CNTNAP2: variants seen among roughly 807,000 people sequenced by gnomAD.
CNTNAP2 encodes the protein contactin associated protein 2, also known as contactin-associated protein-like 2.
A neutral mutation model predicts 155.2 loss-of-function variants in CNTNAP2; 98 were observed. That is an observed-to-expected ratio of 0.63 (90% CI 0.54 to 0.75). CNTNAP2 has a LOEUF of 0.75. Among genes scored for constraint, CNTNAP2 ranks in the 30% least tolerant of loss-of-function variants. The pLI is 0.00. For missense variants in CNTNAP2, 1,727 were observed against 1,688.1 expected (o/e 1.02, Z -0.40); for synonymous variants, 651 against 631.2 (o/e 1.03, Z -0.47).
At chr7:147,408,312 A>G (rs1459434540) in intron 10 of CNTNAP2, among the ~76,000 whole-genome samples, 9 of 152,204 alleles carry the variant, frequency 5.9e-5, no homozygotes, top group South Asian at 4.1e-4. Flanking sequence ...TTCAAGGCAC[A>G]TGCTATAGGC....
chr7:146,585,246 C>G (rs920763651), intron 1 of CNTNAP2, among the ~76,000 whole-genome samples: 1 of 151,992 alleles, frequency 6.6e-6, no homozygotes, highest in African/African-American at 2.4e-5. Flanking sequence ...CTCAGTCTCC[C>G]GAGTAGCTGG....
chr7:146,213,521 T>A (rs908762887), intron 1 of CNTNAP2, among the ~76,000 whole-genome samples: 1 of 152,336 alleles, frequency 6.6e-6, no homozygotes, highest in Non-Finnish European at 1.5e-5. Flanking sequence ...ATATGTGAGA[T>A]TGTTGTATGT....
chr7:146,234,936 T>C (rs1799447083), intron 1 of CNTNAP2, among the ~76,000 whole-genome samples: 1 of 152,202 alleles, frequency 6.6e-6, no homozygotes, highest in African/African-American at 2.4e-5. Context: ...TTGAAATTGC[T>C]TAATGATTTT....
chr7:146,514,329 T>G (rs1192098996), intron 1 of CNTNAP2, among the ~76,000 whole-genome samples: 1 of 152,072 alleles, frequency 6.6e-6, no homozygotes. Context: ...TCTCCTTGCT[T>G]TCTCTCAACC....
Position 146,127,248 on chromosome 7 carries a change from G to A in CNTNAP2, c.97+10275G>A, listed in dbSNP as rs534436135. On this transcript the variant is annotated intron_variant, in intron 1 of 23. Coordinates refer to ENST00000361727, the MANE Select transcript of CNTNAP2 (RefSeq NM_014141.6). ...GCTGTTTTAGAGGAAACTCATTTAC[G>A]GTCCAAGCCTCAGAATCTTGGAGCA... 7.2e-5 allele frequency among the ~76,000 whole-genome samples: 11 copies of A among 152,050 alleles called. No homozygotes were observed. In the South Asian group the frequency reaches 8.3e-4, roughly 12 times the overall value.
chr7:146,158,535 G>C (rs952161393), intron 1 of CNTNAP2, among the ~76,000 whole-genome samples: 9 of 152,174 alleles, frequency 5.9e-5, no homozygotes, highest in Admixed American at 2.6e-4. Flanking sequence ...AAACAGTGTA[G>C]AGAAGTCCTT....
At chr7:146,815,813 G>T (rs1295836729) in intron 2 of CNTNAP2, among the ~76,000 whole-genome samples, 1 of 152,042 alleles carries the variant, frequency 6.6e-6, no homozygotes, top group Non-Finnish European at 1.5e-5. Context: ...ACAACGTGCA[G>T]GTTTGTTACA....
intron 13 of CNTNAP2, among the ~76,000 whole-genome samples, chr7:147,713,782 C>G (rs551921007): frequency 6.6e-6 from 1 of 152,228 alleles, no homozygotes; most frequent in African/African-American, 2.4e-5. Context: ...TCCAGTTGCT[C>G]AGCATCTTAG....
chr7:146,400,073 C>A (rs980941090), intron 1 of CNTNAP2, among the ~76,000 whole-genome samples: 3 of 151,962 alleles, frequency 2.0e-5, no homozygotes, highest in African/African-American at 7.3e-5. Flanking sequence ...TTTTACCTTC[C>A]CTGGGCTAGG....
At chr7:146,186,908 C>T (rs969222941) in intron 1 of CNTNAP2, among the ~76,000 whole-genome samples, 9 of 152,124 alleles carry the variant, frequency 5.9e-5, no homozygotes, top group South Asian at 2.1e-4. Flanking sequence ...CAACTTACCT[C>T]TATTCAAGAA....
At chr7:147,919,810 C>T (rs1039331388) in intron 14 of CNTNAP2, among the ~76,000 whole-genome samples, 2 of 151,496 alleles carry the variant, frequency 1.3e-5, no homozygotes, top group Non-Finnish European at 2.9e-5. Context: ...CAGTCTGGAA[C>T]TCCTGGGCTC....
intron 11 of CNTNAP2, among the ~76,000 whole-genome samples, chr7:147,497,612 A>G (rs1798731354): frequency 6.6e-6 from 1 of 152,204 alleles, no homozygotes; most frequent in Non-Finnish European, 1.5e-5. Flanking sequence ...CTGCAAAGGA[A>G]TTCAGAGCTC....
At chr7:148,152,848 G>A (rs1302545825) in intron 17 of CNTNAP2, among the ~76,000 whole-genome samples, 7 of 151,694 alleles carry the variant, frequency 4.6e-5, no homozygotes, top group African/African-American at 9.7e-5. Flanking sequence ...GTGAAACCCC[G>A]TCTCTACTAA....
Position 147,378,643 on chromosome 7 carries a change from G to A in CNTNAP2, c.1499-16966G>A, listed in dbSNP as rs143605631. ...AAGGTGGGAAATGGTGACAGTTAAC[G>A]GTTACAAAAATACAGTTGGATAGAA... is the stretch of plus-strand genomic sequence containing the variant. On this transcript the variant is annotated intron_variant, in intron 9 of 23. Coordinates refer to ENST00000361727, the MANE Select transcript of CNTNAP2 (RefSeq NM_014141.6). 3.3e-4 allele frequency among the ~76,000 whole-genome samples: 50 copies of A among 152,064 alleles called. 1 individual carries two copies. The highest frequency in any genetic ancestry group is 1.1e-3 in the African/African-American group (47 of 41,526).
intron 3 of CNTNAP2, among the ~76,000 whole-genome samples, chr7:146,842,294 G>A (rs1015610535): frequency 6.6e-6 from 1 of 151,970 alleles, no homozygotes; most frequent in Non-Finnish European, 1.5e-5. Context: ...CTACTTATAG[G>A]GCTCTCCATC....
chr7:147,772,989 C>T (rs1486901483), intron 13 of CNTNAP2, among the ~76,000 whole-genome samples: 1 of 152,144 alleles, frequency 6.6e-6, no homozygotes, highest in African/African-American at 2.4e-5. Context: ...AATTACAAAC[C>T]ATATCCCACC....
chr7:147,602,585 C>T (rs1800972284), intron 12 of CNTNAP2, among the ~76,000 whole-genome samples: 1 of 151,280 alleles, frequency 6.6e-6, no homozygotes, highest in African/African-American at 2.4e-5. Flanking sequence ...GTGTGCTGCA[C>T]CCATTAACTC....
intron 23 of CNTNAP2, among the ~76,000 whole-genome samples, chr7:148,411,293 T>G (rs1490173966): frequency 6.6e-6 from 1 of 152,198 alleles, no homozygotes; most frequent in Non-Finnish European, 1.5e-5. Flanking sequence ...AGACAGAGTC[T>G]CACTTTCTGT....
At chr7:147,437,849 G>C (rs1384172000) in intron 10 of CNTNAP2, among the ~76,000 whole-genome samples, 1 of 151,958 alleles carries the variant, frequency 6.6e-6, no homozygotes, top group African/African-American at 2.4e-5. Context: ...CCATTTTATG[G>C]TGTCCTATTC....
Sources: allele counts gnomAD v4.1 joint callset (sites outside exome capture counted in the v4.1 genomes callset), GRCh38; gene constraint gnomAD v4.1.1; transcripts MANE v1.5; gene names NCBI Gene and HGNC (gene_info 2026-07-23, HGNC 2026-07-21).